Variants in DNAH5 observed in about 807,000 individuals in gnomAD.
The protein encoded by DNAH5 is axonemal beta dynein heavy chain 5.
DNAH5 carries 372 observed loss-of-function variants against 518.2 expected under a neutral mutation model. The ratio of observed to expected loss-of-function variants is 0.72; its 90% CI spans 0.66 to 0.78. DNAH5 has a LOEUF of 0.78. Among genes scored for constraint, DNAH5 ranks in the 30% least tolerant of loss-of-function variants. DNAH5 has a pLI of 0.00. For missense variants in DNAH5, 5,523 were observed against 5,687.0 expected (o/e 0.97, Z 0.93); for synonymous variants, 2,039 against 2,025.9 (o/e 1.01, Z -0.17).
chr5:13,989,633 G>A (rs10075032), intron 1 of DNAH5, among the ~76,000 whole-genome samples: 41,552 of 151,500 alleles, frequency 0.27, 6,196 homozygotes, highest in East Asian at 0.61. Context: ...ACAGGCGCCC[G>A]CCATCACACC....
chr5:13,751,168 T>C lies in DNAH5; in HGVS notation c.11121A>G (p.Ile3707Met). Residue 3707 changes from isoleucine (I) to methionine (M), a missense_variant, in exon 65 of 79, where the codon ATA (isoleucine) becomes ATG (methionine). By Grantham distance (10) the Ile-to-Met change is conservative. This residue lies in a region of DNAH5 where 5,121 missense variants were observed against 5,223.3 expected (regional missense o/e 0.98). Coordinates refer to ENST00000265104, the MANE Select transcript of DNAH5 (RefSeq NM_001369.3). ...KLPNPAYTPE[I>M]SARTSIIDFT... ...AGTCAATGATGGAGGTACGGGCACT[T>C]ATCTCAGGGGTGTAGGCTGGGTTAG... is the stretch of plus-strand genomic sequence containing the variant. 1 of 1,613,962 alleles carries C rather than the reference T, an allele frequency of 6.2e-7. No homozygotes were observed. The highest frequency in any genetic ancestry group is 8.5e-7 in the Non-Finnish European group (1 of 1,179,928).
At chr5:13,934,434 G>A (rs187479762) in intron 1 of DNAH5, among the ~76,000 whole-genome samples, 143 of 152,252 alleles carry the variant, frequency 9.4e-4, no homozygotes, top group African/African-American at 2.9e-3. Flanking sequence ...GGTTTGTAAC[G>A]CAAAAATAAA....
chr5:13,794,031 G>A lies in DNAH5; in HGVS notation c.7915C>T (p.Arg2639Ter), dbSNP rs375053470. 18 of 1,613,674 alleles carry A rather than the reference G, an allele frequency of 1.1e-5. No individual in the cohort carries two copies. Among genetic ancestry groups the A allele is most frequent in the Non-Finnish European group, 1.4e-5 (17 of 1,179,928 alleles). ...QRTIESYVDKRMGTTYGPPAG... is the reference protein window; with the variant it reads ...QRTIESYVDK ...GGAGGGCCATATGTTGTACCCATTC[G>A]TTTATCCACATAGCTCTCTATCGTC... Residue 2639 changes from arginine (R) to a stop codon, truncating the protein, a stop_gained, in exon 48 of 79, where the codon CGA becomes TGA. Coordinates refer to ENST00000265104, the MANE Select transcript of DNAH5 (RefSeq NM_001369.3). LOFTEE classifies it high-confidence loss of function.
chr5:13,896,534 T>G (rs1773937181), intron 15 of DNAH5: 1 of 152,228 alleles, frequency 6.6e-6, no homozygotes, highest in Non-Finnish European at 1.5e-5. Context: ...TTTATTACAA[T>G]AGACTATATT....
At chr5:13,924,465 C>T (rs1292563157) in intron 3 of DNAH5, among the ~76,000 whole-genome samples, 2 of 152,000 alleles carry the variant, frequency 1.3e-5, no homozygotes, top group African/African-American at 4.8e-5. Context: ...CACCTAAGGT[C>T]GGGAGTTCGA....
At chr5:13,693,086 G>T (rs1456770306) in intron 78 of DNAH5, among the ~76,000 whole-genome samples, 1 of 152,094 alleles carries the variant, frequency 6.6e-6, no homozygotes, top group East Asian at 1.9e-4. Context: ...TCAGGAAATA[G>T]TATATTATTT....
Position 13,737,202 on chromosome 5 carries a change from C to G in DNAH5, c.11455+50G>C, listed in dbSNP as rs758967752. 4 of 1,611,324 alleles carry G rather than the reference C, an allele frequency of 2.5e-6. No homozygotes were observed. In the East Asian group the frequency reaches 6.7e-5, roughly 27 times the overall value. On this transcript the variant is annotated intron_variant, in intron 66 of 78. Transcript: ENST00000265104. Reference sequence around the variant, plus strand: ...CCTTCCATTTCTCTAATTCTCATTCCTCTCTCATTTCATTTTCCTGTGACA... The same window carrying G: ...CCTTCCATTTCTCTAATTCTCATTCGTCTCTCATTTCATTTTCCTGTGACA...
chr5:13,917,365 A>G, intron 7 of DNAH5, 109 bp from the exon 8 acceptor site: 1 of 801,050 alleles, frequency 1.2e-6, no homozygotes, highest in Non-Finnish European at 2.1e-6. Context: ...CCTTCTGTCC[A>G]TCTCACAGAA....
chr5:13,853,114 G>A (rs1767124735), intron 30 of DNAH5, among the ~76,000 whole-genome samples: 1 of 152,170 alleles, frequency 6.6e-6, no homozygotes, highest in Admixed American at 6.5e-5. Context: ...ACCTCATACA[G>A]GAGAGCTTCA....
At chr5:13,817,024 G>A (rs1053529155) in intron 42 of DNAH5, among the ~76,000 whole-genome samples, 3 of 152,144 alleles carry the variant, frequency 2.0e-5, no homozygotes, top group Non-Finnish European at 4.4e-5. Context: ...AGACTGAACC[G>A]CTAGCCCTTA....
intron 1 of DNAH5, among the ~76,000 whole-genome samples, chr5:13,971,490 C>G (rs1581075917): frequency 1.3e-5 from 2 of 152,258 alleles, no homozygotes; most frequent in South Asian, 4.1e-4. Context: ...TGTTCTCCCC[C>G]TTCCCCTAGG....
At chr5:13,699,117 C>T (rs753810779) in intron 78 of DNAH5, among the ~76,000 whole-genome samples, 58 of 152,128 alleles carry the variant, frequency 3.8e-4, no homozygotes, top group Non-Finnish European at 7.9e-4. Flanking sequence ...AATGACCAAG[C>T]AAGCTAATGC....
At chr5:13,700,987 T>C in intron 77 of DNAH5, 116 bp from the exon 78 acceptor site, 5 of 1,125,074 alleles carry the variant, frequency 4.4e-6, no homozygotes, top group Non-Finnish European at 6.6e-6. Context: ...CGTACAATAG[T>C]ATTTAAAGAA....
At position 13,820,841 on chromosome 5, in the gene DNAH5, A is replaced by AAG. The variant is rs1554063849; in HGVS notation, c.6688-343_6688-342insCT. Among the ~76,000 whole-genome samples the AAG allele has an allele frequency of 6.8e-4, 94 of 137,580 alleles. 3 individuals carry two copies. Among genetic ancestry groups the AAG allele is most frequent in the East Asian group, 2.6e-3 (12 of 4,538 alleles). The allele number at this position is 137,580 out of a possible 152,430, so 90.3% of individuals were successfully genotyped here. ...CTCCGTCTCAAAAAAAAAAAAAAAA[A>AAG]AAACACATCAATGACAATCTCAATT... On this transcript the variant is annotated intron_variant, in intron 40 of 78. Coordinates refer to ENST00000265104, the MANE Select transcript of DNAH5 (RefSeq NM_001369.3).
At chr5:13,974,810 C>T (rs73061565) in intron 1 of DNAH5, among the ~76,000 whole-genome samples, 4,947 of 152,236 alleles carry the variant, frequency 0.032, 85 homozygotes, top group Middle Eastern at 0.099. Context: ...CTACTACCAC[C>T]GCTACTCCCC....
chr5:13,816,734 C>T (rs559891686), intron 42 of DNAH5, among the ~76,000 whole-genome samples: 1 of 152,044 alleles, frequency 6.6e-6, no homozygotes, highest in Non-Finnish European at 1.5e-5. Context: ...ATTTCTCTTT[C>T]GACAATTTAT....
At chr5:13,774,351 G>T (rs1170377340) in intron 55 of DNAH5, among the ~76,000 whole-genome samples, 1 of 152,110 alleles carries the variant, frequency 6.6e-6, no homozygotes, top group East Asian at 1.9e-4. Context: ...GGCCCTTCCT[G>T]AAAGGGGGAG....
intron 30 of DNAH5, among the ~76,000 whole-genome samples, chr5:13,854,393 C>T (rs1014676567): frequency 3.9e-5 from 6 of 152,132 alleles, no homozygotes; most frequent in Admixed American, 2.6e-4. Flanking sequence ...AAGGAAAAAC[C>T]AGAACCAGCC....
intron 1 of DNAH5, among the ~76,000 whole-genome samples, chr5:13,961,835 G>A (rs1446842277): frequency 6.6e-6 from 1 of 152,000 alleles, no homozygotes; most frequent in African/African-American, 2.4e-5. Context: ...CCTTCGAGAA[G>A]CCTGCCTTGA....
Sources: gnomAD v4.1 joint callset for allele counts (sites outside exome capture counted in the v4.1 genomes callset) on GRCh38, gnomAD v4.1.1 for gene constraint, gnomAD v4.1.1 regional missense constraint, MANE v1.5 for transcripts, NCBI Gene and HGNC (gene_info 2026-07-23, HGNC 2026-07-21) for gene names.